JCAD: variants seen among roughly 807,000 people sequenced by gnomAD.
The protein encoded by JCAD is junctional cadherin 5 associated.
Under a neutral mutation model 98.0 loss-of-function variants are expected in JCAD, and 40 were observed. That is an observed-to-expected ratio of 0.41 (90% CI 0.32 to 0.53). JCAD has a LOEUF of 0.53. Among genes scored for constraint, JCAD ranks in the 20% least tolerant of loss-of-function variants. The pLI, the probability that JCAD is intolerant of heterozygous loss-of-function variation, is 0.31. For synonymous variants in JCAD, 691 were observed against 682.3 expected (o/e 1.01, Z -0.20); for missense variants, 1,705 against 1,738.1 (o/e 0.98, Z 0.34).
At chr10:30,065,853 C>G (rs1430417817) in intron 2 of JCAD, among the ~76,000 whole-genome samples, 1 of 152,132 alleles carries the variant, frequency 6.6e-6, no homozygotes, top group Non-Finnish European at 1.5e-5. Flanking sequence ...AAAGTCTGCT[C>G]CATGGACCAC....
chr10:30,090,477 G>T (rs1838240439), intron 1 of JCAD, among the ~76,000 whole-genome samples: 2 of 150,044 alleles, frequency 1.3e-5, no homozygotes, highest in African/African-American at 4.9e-5. Context: ...AGAGCCAGAG[G>T]TTGCAATGAG....
At chr10:30,105,991 G>A (rs764203744) in intron 1 of JCAD, among the ~76,000 whole-genome samples, 1 of 152,218 alleles carries the variant, frequency 6.6e-6, no homozygotes, top group South Asian at 2.1e-4. Context: ...TAGTGATCAC[G>A]TCTAGGAAGG....
chr10:30,020,414 T>C (rs535031657), intron 3 of JCAD, among the ~76,000 whole-genome samples: 10 of 150,682 alleles, frequency 6.6e-5, no homozygotes, highest in African/African-American at 1.7e-4. Context: ...AAAAAGGCCA[T>C]AGACATTCCA....
chr10:30,076,477 T>A (rs1837983476), intron 1 of JCAD, among the ~76,000 whole-genome samples: 1 of 152,204 alleles, frequency 6.6e-6, no homozygotes, highest in Non-Finnish European at 1.5e-5. Context: ...TTGTCTTTTT[T>A]TCTCTTATTT....
chr10:30,029,128 G>A lies in JCAD; in HGVS notation c.1020C>T (p.Tyr340=), dbSNP rs775798197. The A allele has an allele frequency of 3.7e-6, 6 of 1,614,078 alleles. No homozygotes were observed. The highest frequency in any genetic ancestry group is 2.7e-5 in the African/African-American group (2 of 74,940). The change falls in exon 3 of 4, where the codon TAC becomes TAT. Residue 340 remains tyrosine, a synonymous_variant. Transcript: ENST00000375377. ...GCGATCTGTATGAGGGCGGAGGCAC[G>A]TACACTGGAGGTTCCAATCCAGGGT... is the stretch of plus-strand genomic sequence containing the variant. ...LSDPGLEPPV[Y]VPPPSYRSPP... is the part of the protein sequence containing the mutation.
intron 1 of JCAD, among the ~76,000 whole-genome samples, chr10:30,097,718 G>A (rs1390100254): frequency 6.6e-6 from 1 of 152,200 alleles, no homozygotes; most frequent in East Asian, 1.9e-4. Context: ...AGCCGAGATT[G>A]CCCCACTGCA....
chr10:30,077,857 A>G (rs1222803433), intron 1 of JCAD, among the ~76,000 whole-genome samples: 1 of 152,222 alleles, frequency 6.6e-6, no homozygotes, highest in Non-Finnish European at 1.5e-5. Flanking sequence ...GTTGTGAATA[A>G]TGCTGCTATG....
At chr10:30,061,465 C>T (rs1422820497), upstream of JCAD, among the ~76,000 whole-genome samples, 1 of 151,710 alleles carries the variant, frequency 6.6e-6, no homozygotes, top group Non-Finnish European at 1.5e-5. Context: ...TCACATGAAC[C>T]CGGGAGGTGG....
chr10:30,018,781 G>C (rs1836592190), intron 3 of JCAD, among the ~76,000 whole-genome samples: 1 of 152,032 alleles, frequency 6.6e-6, no homozygotes, highest in Admixed American at 6.6e-5. Flanking sequence ...CAGCTCAAAG[G>C]CTTCTTATTT....
At chr10:30,058,917 G>C (rs916908884) in intron 1 of JCAD, among the ~76,000 whole-genome samples, 2 of 152,184 alleles carry the variant, frequency 1.3e-5, no homozygotes, top group Admixed American at 1.3e-4. Context: ...AGACCGGAGC[G>C]GGAGCGGGGC....
intron 3 of JCAD, among the ~76,000 whole-genome samples, chr10:30,019,882 C>T (rs1402175092): frequency 1.3e-5 from 2 of 151,176 alleles, no homozygotes; most frequent in Non-Finnish European, 2.9e-5. Context: ...ATGTTCTATA[C>T]CTTAAATATA....
At chr10:30,107,130 T>C (rs1292321457) in intron 1 of JCAD, among the ~76,000 whole-genome samples, 1 of 152,316 alleles carries the variant, frequency 6.6e-6, no homozygotes, top group East Asian at 1.9e-4. Flanking sequence ...TTGTCAGAGA[T>C]GTTTAAACCA....
At chr10:30,070,422 G>A (rs1247139022) in intron 1 of JCAD, among the ~76,000 whole-genome samples, 1 of 152,166 alleles carries the variant, frequency 6.6e-6, no homozygotes, top group East Asian at 1.9e-4. Flanking sequence ...CTATCCTTGC[G>A]TGGGTACCCA....
Position 30,014,808 on chromosome 10 carries a change from C to T in JCAD, c.*3075G>A, listed in dbSNP as rs993576172. On this transcript the variant is annotated 3_prime_UTR_variant, in exon 4 of 4. Coordinates refer to ENST00000375377, the MANE Select transcript of JCAD (RefSeq NM_020848.4). ...CTTCACCAACAGTAAAATGGGGCAGCAAAAGTTCTACTTAGAATTTCCACG... is the reference window on the plus strand; with the variant it reads ...CTTCACCAACAGTAAAATGGGGCAGTAAAAGTTCTACTTAGAATTTCCACG... 1 of 152,170 alleles carries T rather than the reference C, an allele frequency of 6.6e-6. No individual in the cohort carries two copies. Among genetic ancestry groups the T allele is most frequent in the Non-Finnish European group, 1.5e-5 (1 of 68,044 alleles). The allele number at this position is 152,170 out of a possible 1,614,324, so 9.4% of individuals were successfully genotyped here.
Position 30,028,046 on chromosome 10 carries a change from C to A in JCAD, c.2102G>T (p.Ser701Ile). ...TQTSFSEEPQ[S>I]SQLLPGAKLG... ...CTTTGCACCAGGGAGCAGCTGCGAA[C>A]TTTGGGGCTCCTCGGAGAAACTGGT... The change falls in exon 3 of 4, where the codon AGT (serine) becomes ATT (isoleucine). Residue 701 changes from serine (S) to isoleucine (I), a missense_variant. Transcript: ENST00000375377. The A allele has an allele frequency of 6.2e-7, 1 of 1,614,268 alleles. No individual in the cohort carries two copies. The highest frequency in any genetic ancestry group is 1.3e-5 in the African/African-American group (1 of 75,074).
chr10:30,074,007 C>T (rs116188237), intron 1 of JCAD, among the ~76,000 whole-genome samples: 2,109 of 152,104 alleles, frequency 0.014, 53 homozygotes, highest in African/African-American at 0.047. Flanking sequence ...AGTGTGCCTG[C>T]GTGCATATGT....
intron 3 of JCAD, among the ~76,000 whole-genome samples, chr10:30,019,467 T>G (rs11592004): frequency 0.1 from 15,629 of 150,798 alleles, 1,410 homozygotes; most frequent in African/African-American, 0.25. Context: ...CAACATGGAT[T>G]AAACTTCAGG....
intron 1 of JCAD, among the ~76,000 whole-genome samples, chr10:30,080,654 C>T (rs1015964453): frequency 3.3e-5 from 5 of 151,962 alleles, no homozygotes; most frequent in African/African-American, 9.7e-5. Flanking sequence ...ATTAACTCAC[C>T]CCCAGTCATT....
rs561556070 is a variant in JCAD, at chr10:30,014,432, A to C, written c.*3451T>G. ...TTTCTCTAAGCTCAAATATGGATAG[A>C]AAGACAATTCTGCTGCACTGGTCAC... On this transcript the variant is annotated 3_prime_UTR_variant, in exon 4 of 4. Transcript: ENST00000375377. 2 of 152,344 alleles carry C rather than the reference A, an allele frequency of 1.3e-5. No homozygotes were observed. The highest frequency in any genetic ancestry group is 4.1e-4 in the South Asian group (2 of 4,828). The allele number at this position is 152,344 out of a possible 1,614,324, so 9.4% of individuals were successfully genotyped here.
Sources: gnomAD v4.1 joint callset for allele counts (sites outside exome capture counted in the v4.1 genomes callset) on GRCh38, gnomAD v4.1.1 for gene constraint, MANE v1.5 for transcripts, NCBI Gene and HGNC (gene_info 2026-07-23, HGNC 2026-07-21) for gene names.